Variants in CHEK1 observed in about 807,000 individuals in gnomAD.
CHEK1 encodes serine/threonine-protein kinase Chk1.
In CHEK1, 32 loss-of-function variants were observed where a neutral mutation model predicts 60.2. The observed-to-expected ratio is 0.53, with a 90% CI of 0.40 to 0.71. CHEK1 has a LOEUF of 0.71. Among genes scored for constraint, CHEK1 ranks in the 30% least tolerant of loss-of-function variants. The probability of loss-of-function intolerance (pLI) is 0.00; values close to 1 mark genes in which losing one functional copy is unlikely to be tolerated. For missense variants in CHEK1, 399 were observed against 564.6 expected (o/e 0.71, Z 2.97); for synonymous variants, 179 against 187.2 (o/e 0.96, Z 0.36).
intron 11 of CHEK1, among the ~76,000 whole-genome samples, chr11:125,648,634 CT>C (rs746598087): frequency 0.026 from 3,517 of 136,266 alleles, 84 homozygotes; most frequent in Admixed American, 0.088. Flanking sequence ...AATTGTTTTA[CT>C]TTTTTTTTTT....
At chr11:125,637,018 T>G (rs1282171445) in intron 7 of CHEK1, among the ~76,000 whole-genome samples, 2 of 152,190 alleles carry the variant, frequency 1.3e-5, no homozygotes, top group Admixed American at 6.5e-5. Context: ...TTAAGATACC[T>G]TAGGATGGTT....
At chr11:125,678,107 G>C (rs141232180), downstream of CHEK1, 4 of 1,614,136 alleles carry the variant, frequency 2.5e-6, no homozygotes, top group East Asian at 6.7e-5. Flanking sequence ...AAGTGTGCTC[G>C]GCCACAGTGT....
downstream of CHEK1, among the ~76,000 whole-genome samples, chr11:125,659,901 A>G (rs547826776): frequency 6.6e-6 from 1 of 151,912 alleles, no homozygotes; most frequent in African/African-American, 2.4e-5. Flanking sequence ...GAAAATACTA[A>G]CCTACATTTT....
intron 3 of CHEK1, among the ~76,000 whole-genome samples, chr11:125,628,151 A>G (rs1042597062): frequency 3.3e-5 from 5 of 152,168 alleles, no homozygotes; most frequent in Non-Finnish European, 5.9e-5. Context: ...TGCCTACACA[A>G]TTTTTTCTTT....
chr11:125,659,884 G>T (rs1411921128), downstream of CHEK1, among the ~76,000 whole-genome samples: 5 of 151,968 alleles, frequency 3.3e-5, no homozygotes, highest in Non-Finnish European at 7.4e-5. Context: ...TCTTCCTCCA[G>T]TCTCTGGAAA....
downstream of CHEK1, among the ~76,000 whole-genome samples, chr11:125,658,494 A>G (rs1377123887): frequency 2.0e-5 from 3 of 152,034 alleles, no homozygotes; most frequent in African/African-American, 7.2e-5. Flanking sequence ...TGTATTGAAT[A>G]TATATACTCT....
downstream of CHEK1, among the ~76,000 whole-genome samples, chr11:125,660,859 TCCG>T (rs1942000060): frequency 6.6e-6 from 1 of 152,026 alleles, no homozygotes; most frequent in African/African-American, 2.4e-5. Context: ...CACTGCAACC[TCCG>T]CCTCCTGGGT....
chr11:125,648,928 TCTCAGC>T (rs1280764069), intron 11 of CHEK1, among the ~76,000 whole-genome samples: 1 of 152,098 alleles, frequency 6.6e-6, no homozygotes, highest in Non-Finnish European at 1.5e-5. Context: ...GATCCTCTCA[TCTCAGC>T]CTCCTAAGTA....
At chr11:125,631,375 T>A (rs1940853094) in intron 5 of CHEK1, among the ~76,000 whole-genome samples, 1 of 152,212 alleles carries the variant, frequency 6.6e-6, no homozygotes. Flanking sequence ...TTCCTTTGTT[T>A]TTCTAAGAGC....
intron 3 of CHEK1, among the ~76,000 whole-genome samples, chr11:125,628,327 G>A (rs566956628): frequency 5.9e-5 from 9 of 151,926 alleles, no homozygotes; most frequent in Non-Finnish European, 1.0e-4. Flanking sequence ...TTAAATATTC[G>A]ATGTAGAATC....
chr11:125,650,493 G>A (rs558338804), intron 11 of CHEK1, among the ~76,000 whole-genome samples: 51 of 120,630 alleles, frequency 4.2e-4, no homozygotes, highest in Non-Finnish European at 6.8e-4. Context: ...CTTTGCTCTT[G>A]TTGCCCAGGC....
At chr11:125,629,361 C>T in intron 4 of CHEK1, 30 bp from the exon 5 acceptor site, 1 of 1,612,188 alleles carries the variant, frequency 6.2e-7, no homozygotes, top group Non-Finnish European at 8.5e-7. Context: ...TTACCAAATT[C>T]TAGTGTGTTT....
At chr11:125,635,559 AGTACC>A (rs1439451980) in intron 7 of CHEK1, 26 bp downstream of exon 7, 1 of 1,436,654 alleles carries the variant, frequency 7.0e-7, no homozygotes, top group Non-Finnish European at 9.6e-7. Context: ...TGAGTGAAAG[AGTACC>A]GATTTCTTGG....
chr11:125,665,869 C>CTTTTTTTTTTTTTTTTTTTTTTT (rs66560397), intron 13 of CHEK1, among the ~76,000 whole-genome samples: 1 of 30,514 alleles, frequency 3.3e-5, no homozygotes, highest in Non-Finnish European at 5.8e-5. Context: ...CTTCATTCCC[C>CTTTTTTTTTTTTTTTTTTTTTTT]TTTTTTTTTT....
intron 11 of CHEK1, among the ~76,000 whole-genome samples, chr11:125,644,926 T>C: frequency 6.6e-6 from 1 of 152,020 alleles, no homozygotes; most frequent in African/African-American, 2.4e-5. Flanking sequence ...GAGAATTGCT[T>C]GAACCTGGAA....
intron 11 of CHEK1, among the ~76,000 whole-genome samples, chr11:125,651,596 C>T (rs1440019626): frequency 6.6e-6 from 1 of 151,948 alleles, no homozygotes; most frequent in African/African-American, 2.4e-5. Flanking sequence ...CCAGGACAAG[C>T]CTTTTGATCA....
At chr11:125,630,583 T>G (rs3731403) in intron 5 of CHEK1, among the ~76,000 whole-genome samples, 330 of 152,260 alleles carry the variant, frequency 2.2e-3, no homozygotes, top group African/African-American at 7.8e-3. Flanking sequence ...AGTGCTGGGA[T>G]TATAGGTGTG....
At chr11:125,638,936 C>G (rs1212525627) in intron 8 of CHEK1, among the ~76,000 whole-genome samples, 1 of 152,156 alleles carries the variant, frequency 6.6e-6, no homozygotes, top group East Asian at 1.9e-4. Flanking sequence ...ATAATTTTTT[C>G]TGACTTCCTC....
chr11:125,680,913 T>A, downstream of CHEK1: 1 of 746,878 alleles, frequency 1.3e-6, no homozygotes, highest in Non-Finnish European at 2.2e-6. Flanking sequence ...AAGTAACCCA[T>A]GTTTCTTCAC....
Sources: allele counts gnomAD v4.1 joint callset (sites outside exome capture counted in the v4.1 genomes callset), GRCh38; gene constraint gnomAD v4.1.1; transcripts MANE v1.5; gene names NCBI Gene and HGNC (gene_info 2026-07-23, HGNC 2026-07-21).